APPL2: variants seen among roughly 807,000 people sequenced by gnomAD.
The protein encoded by APPL2 is DCC-interacting protein 13-beta.
In APPL2, 84 loss-of-function variants were observed where a neutral mutation model predicts 92.7. That is an observed-to-expected ratio of 0.91 (90% confidence interval 0.76 to 1.09). The LOEUF is 1.09. APPL2 is among the 50% of genes least tolerant of loss of function. The probability of loss-of-function intolerance (pLI) is 0.00; values close to 1 mark genes in which losing one functional copy is unlikely to be tolerated. For synonymous variants in APPL2, 291 were observed against 291.0 expected (o/e 1.00, Z 0.00); for missense variants, 736 against 824.5 (o/e 0.89, Z 1.31).
chr12:105,217,281 G>A, intron 3 of APPL2, 141 bp from the exon 4 acceptor site: 1 of 607,520 alleles, frequency 1.6e-6, no homozygotes, highest in Admixed American at 3.1e-5. Flanking sequence ...TCTACCTGAA[G>A]AGGGAGTCAC....
intron 10 of APPL2, among the ~76,000 whole-genome samples, chr12:105,198,607 T>C (rs569363864): frequency 1.3e-5 from 2 of 152,256 alleles, no homozygotes; most frequent in Admixed American, 1.3e-4. Context: ...ATCAAACACA[T>C]TTACTTGGCT....
chr12:105,185,727 A>G (rs924327418), intron 17 of APPL2, among the ~76,000 whole-genome samples: 7 of 151,936 alleles, frequency 4.6e-5, no homozygotes, highest in Non-Finnish European at 7.4e-5. Flanking sequence ...TTCTTTTTAA[A>G]TCTTCTAATT....
rs567216609 is a variant in APPL2 at position 105,208,559 on chromosome 12, A to C, written c.374-360T>G. Among the ~76,000 whole-genome samples, 6 of 152,330 alleles carry C rather than the reference A, an allele frequency of 3.9e-5. No individual in the cohort carries two copies. The South Asian group carries it at 1.2e-3, about 32-fold the overall frequency. On this transcript the variant is annotated intron_variant, in intron 5 of 20. Coordinates refer to ENST00000258530, the MANE Select transcript of APPL2 (RefSeq NM_018171.5). The stretch of plus-strand genomic sequence containing the variant: ...TAAGTTCTGATGCCTCAGCCCCCAG[A>C]TAGAGTGTCTTAATACATCTTTCTA...
intron 2 of APPL2, among the ~76,000 whole-genome samples, chr12:105,219,449 TAGTC>T (rs1427438157): frequency 2.0e-5 from 3 of 152,196 alleles, no homozygotes; most frequent in African/African-American, 7.2e-5. Context: ...TCTAGCCACA[TAGTC>T]AGGAAGTCAG....
At chr12:105,210,251 T>C (rs1200555823) in intron 5 of APPL2, among the ~76,000 whole-genome samples, 3 of 152,180 alleles carry the variant, frequency 2.0e-5, no homozygotes, top group African/African-American at 4.8e-5. Flanking sequence ...TGAGCCACTG[T>C]GCCCGGCCAA....
At chr12:105,188,226 G>C in intron 17 of APPL2, 47 bp downstream of exon 17, 1 of 1,594,980 alleles carries the variant, frequency 6.3e-7, no homozygotes. Context: ...CTTAAAAGGG[G>C]AATTAGCTGA....
intron 5 of APPL2, among the ~76,000 whole-genome samples, 155 bp from the exon 6 acceptor site, chr12:105,208,354 G>A (rs10161339): frequency 0.048 from 7,269 of 152,278 alleles, 175 homozygotes; most frequent in African/African-American, 0.065. Context: ...CAGAGGCTGG[G>A]ACCTGGGCTC....
chr12:105,202,112 A>T (rs1308676153), intron 9 of APPL2, among the ~76,000 whole-genome samples: 1 of 152,238 alleles, frequency 6.6e-6, no homozygotes, highest in Admixed American at 6.5e-5. Flanking sequence ...TCAAAACAGT[A>T]CTTTAGCTAT....
chr12:105,214,442 C>T (rs1347133441), intron 4 of APPL2, among the ~76,000 whole-genome samples: 1 of 152,206 alleles, frequency 6.6e-6, no homozygotes, highest in Non-Finnish European at 1.5e-5. Flanking sequence ...AAAACTCTTC[C>T]CCAACCTTCC....
chr12:105,205,291 C>G (rs1888605104), intron 8 of APPL2, among the ~76,000 whole-genome samples: 2 of 152,162 alleles, frequency 1.3e-5, no homozygotes, highest in African/African-American at 4.8e-5. Context: ...AGGGAAAGGG[C>G]CTACTTGGTC....
chr12:105,176,951 G>A lies in APPL2; in HGVS notation c.1737C>T (p.Val579=), dbSNP rs940772285. 9.9e-6 allele frequency: 16 copies of A among 1,613,960 alleles called. No homozygotes were observed. Among genetic ancestry groups the A allele is most frequent in the Non-Finnish European group, 1.4e-5 (16 of 1,180,002 alleles). Reference sequence around the variant, plus strand: ...CTCCAGTGGATTCAGGAACACGGATGACAAAACCAACCAGTCTCTTGTTTT... The same window carrying A: ...CTCCAGTGGATTCAGGAACACGGATAACAAAACCAACCAGTCTCTTGTTTT... ...HQENKRLVGF[V]IRVPESTGEE... is the part of the protein sequence containing the mutation. The change falls in exon 19 of 21, where the codon GTC becomes GTT. Residue 579 remains valine, a synonymous_variant. Transcript: ENST00000258530.
At chr12:105,194,926 G>A (rs921697462) in intron 14 of APPL2, among the ~76,000 whole-genome samples, 4 of 151,644 alleles carry the variant, frequency 2.6e-5, no homozygotes, top group African/African-American at 4.8e-5. Flanking sequence ...TTTTGCTTTC[G>A]TTCCCTTACT....
chr12:105,226,361 T>G (rs569231625), intron 2 of APPL2, among the ~76,000 whole-genome samples: 44 of 152,344 alleles, frequency 2.9e-4, no homozygotes, highest in African/African-American at 1.0e-3. Flanking sequence ...CAGCCTGTGC[T>G]GCAGGAAACG....
chr12:105,184,312 G>A (rs1886395651), intron 17 of APPL2, among the ~76,000 whole-genome samples: 1 of 152,172 alleles, frequency 6.6e-6, no homozygotes, highest in Non-Finnish European at 1.5e-5. Context: ...CTGGCAATGA[G>A]TTGTGATCCT....
intron 20 of APPL2, 50 bp downstream of exon 20, chr12:105,175,985 C>T: frequency 6.7e-7 from 1 of 1,485,914 alleles, no homozygotes; most frequent in African/African-American, 1.5e-5. Flanking sequence ...GGTATGTGTA[C>T]ACAGATGTGT....
chr12:105,211,379 A>G lies in APPL2; in HGVS notation c.286-62T>C, dbSNP rs113519236. 1,591 of 1,268,290 alleles carry G rather than the reference A, an allele frequency of 1.3e-3. 12 individuals carry two copies. In the African/African-American group the frequency reaches 0.02, roughly 16 times the overall value. The allele number at this position is 1,268,290 out of a possible 1,614,324, so 78.6% of individuals were successfully genotyped here. On this transcript the variant is annotated intron_variant, in intron 4 of 20. Transcript: ENST00000258530. Reference sequence around the variant, plus strand: ...ACATTATTATTATTGACATAGTCTCATTTCACCAAGGAATCACACTGAACA... The same window carrying G: ...ACATTATTATTATTGACATAGTCTCGTTTCACCAAGGAATCACACTGAACA...
At chr12:105,192,076 T>G (rs1887248786) in intron 14 of APPL2, among the ~76,000 whole-genome samples, 1 of 86 alleles carries the variant, frequency 0.012, no homozygotes, top group Admixed American at 0.083. Context: ...GCTTAACATG[T>G]CCAAAACATG....
intron 5 of APPL2, among the ~76,000 whole-genome samples, chr12:105,209,186 T>A (rs1385949179): frequency 6.6e-6 from 1 of 152,126 alleles, no homozygotes; most frequent in African/African-American, 2.4e-5. Context: ...TATGTACTTG[T>A]GTTGGTGAGT....
At chr12:105,193,682 T>A (rs1251776224) in intron 14 of APPL2, among the ~76,000 whole-genome samples, 4 of 152,208 alleles carry the variant, frequency 2.6e-5, no homozygotes, top group Non-Finnish European at 5.9e-5. Context: ...TAAGTTACGG[T>A]GCTGAAATGT....
Sources: gnomAD v4.1 joint callset for allele counts (sites outside exome capture counted in the v4.1 genomes callset) on GRCh38, gnomAD v4.1.1 for gene constraint, MANE v1.5 for transcripts, NCBI Gene and HGNC (gene_info 2026-07-23, HGNC 2026-07-21) for gene names.